SAMD12: variants seen among roughly 807,000 people sequenced by gnomAD.
SAMD12 encodes the protein sterile alpha motif domain-containing protein 12.
In SAMD12, 9 loss-of-function variants were observed where a neutral mutation model predicts 15.0. That is an observed-to-expected ratio of 0.60 (90% confidence interval 0.36 to 1.05). The LOEUF (loss-of-function observed/expected upper bound fraction) is 1.05, where lower values mean the gene tolerates loss of function less well. Among genes scored for constraint, SAMD12 ranks in the 50% least tolerant of loss-of-function variants. The probability of loss-of-function intolerance (pLI) is 0.01; values close to 1 mark genes in which losing one functional copy is unlikely to be tolerated. For missense variants in SAMD12, 230 were observed against 234.2 expected, an observed-to-expected ratio of 0.98 and a Z score of 0.12; for synonymous variants, 86 against 90.1, an observed-to-expected ratio of 0.96 and a Z score of 0.25.
intron 4 of SAMD12, among the ~76,000 whole-genome samples, chr8:118,267,287 A>G (rs1256003104): frequency 1.3e-5 from 2 of 152,210 alleles, no homozygotes; most frequent in Non-Finnish European, 2.9e-5. Flanking sequence ...GACTTCATAA[A>G]TGCCCAAGAA....
chr8:118,191,755 A>AT (rs1554609707), exon 5 of SAMD12: 1 of 34,126 alleles, frequency 2.9e-5, no homozygotes, highest in Non-Finnish European at 6.4e-5. Context: ...AATACTGGAG[A>AT]TTATATATAT....
the SAMD12 span, among the ~76,000 whole-genome samples, chr8:118,165,612 A>G: frequency 4.3e-4 from 27 of 63,012 alleles, no homozygotes; most frequent in African/African-American, 5.4e-4. Context: ...ACATATATAT[A>G]TGTATATATA....
chr8:118,153,379 C>T, the SAMD12 span, among the ~76,000 whole-genome samples: 2 of 135,156 alleles, frequency 1.5e-5, no homozygotes, highest in African/African-American at 5.3e-5. Flanking sequence ...ACTAGCATCT[C>T]ATTGGTCAAG....
intron 4 of SAMD12, among the ~76,000 whole-genome samples, chr8:118,313,178 C>T (rs1586499250): frequency 6.6e-6 from 1 of 152,152 alleles, no homozygotes; most frequent in East Asian, 1.9e-4. Flanking sequence ...ATTTTCTCTT[C>T]TAAACACTCA....
At chr8:118,463,077 G>C (rs1215802561) in intron 2 of SAMD12, among the ~76,000 whole-genome samples, 2 of 136,118 alleles carry the variant, frequency 1.5e-5, no homozygotes, top group African/African-American at 5.6e-5. Context: ...CTCCAGCCTG[G>C]GCGACAGAGC....
At chr8:118,517,103 A>G (rs940683449) in intron 2 of SAMD12, among the ~76,000 whole-genome samples, 1 of 152,190 alleles carries the variant, frequency 6.6e-6, no homozygotes, top group Non-Finnish European at 1.5e-5. Context: ...CCTCCCTACA[A>G]ATAATCAGTG....
intron 2 of SAMD12, among the ~76,000 whole-genome samples, chr8:118,490,647 T>A (rs73708803): frequency 0.022 from 3,324 of 152,248 alleles, 107 homozygotes; most frequent in African/African-American, 0.073. Context: ...TTCCTTTCCA[T>A]GAAGTCCAAA....
intron 4 of SAMD12, among the ~76,000 whole-genome samples, chr8:118,204,401 T>G (rs1347600962): frequency 6.7e-6 from 1 of 149,982 alleles, no homozygotes; most frequent in African/African-American, 2.5e-5. Context: ...GGAGGGGGAG[T>G]TGCCCACTGA....
intron 2 of SAMD12, among the ~76,000 whole-genome samples, chr8:118,443,174 CTG>C (rs1323990345): frequency 6.6e-6 from 1 of 152,134 alleles, no homozygotes; most frequent in East Asian, 1.9e-4. Flanking sequence ...ATTTTTAAGA[CTG>C]TATGAGGCTG....
chr8:118,269,673 G>T (rs1813298368), intron 4 of SAMD12, among the ~76,000 whole-genome samples: 1 of 152,140 alleles, frequency 6.6e-6, no homozygotes, highest in African/African-American at 2.4e-5. Flanking sequence ...CAATGAGGTG[G>T]AAGCAAGACG....
chr8:118,504,056 CTTTG>C (rs1225638511), intron 2 of SAMD12, among the ~76,000 whole-genome samples: 1 of 152,152 alleles, frequency 6.6e-6, no homozygotes, highest in African/African-American at 2.4e-5. Context: ...CTATTTCCTG[CTTTG>C]TTTAAATCAG....
intron 2 of SAMD12, among the ~76,000 whole-genome samples, chr8:118,569,840 TTACAGCAGCTGAGGCTGAC>T (rs1826958166): frequency 6.6e-6 from 1 of 152,238 alleles, no homozygotes; most frequent in Admixed American, 6.5e-5. Flanking sequence ...CAGTAATTTG[TTACAGCAGCTGAGGCTGAC>T]TAATACAGCA....
At chr8:118,256,821 C>T (rs965363643) in intron 4 of SAMD12, among the ~76,000 whole-genome samples, 4 of 148,438 alleles carry the variant, frequency 2.7e-5, no homozygotes, top group South Asian at 2.2e-4. Context: ...CACACACACA[C>T]GCACACATTC....
intron 1 of SAMD12, among the ~76,000 whole-genome samples, chr8:118,594,299 G>T (rs10505341): frequency 0.11 from 16,033 of 151,994 alleles, 961 homozygotes; most frequent in African/African-American, 0.17. Context: ...GTCTGTTCTT[G>T]ATTATTCTAC....
intron 4 of SAMD12, among the ~76,000 whole-genome samples, chr8:118,281,791 C>A (rs1813658112): frequency 6.6e-6 from 1 of 152,062 alleles, no homozygotes; most frequent in African/African-American, 2.4e-5. Context: ...GGTTAAAAGC[C>A]CTTCTCCAAT....
chr8:118,409,586 T>G (rs1421959118), intron 3 of SAMD12, among the ~76,000 whole-genome samples: 1 of 152,038 alleles, frequency 6.6e-6, no homozygotes, highest in Non-Finnish European at 1.5e-5. Flanking sequence ...ATAAGATTAG[T>G]TGGAAGGTCA....
At chr8:118,269,220 C>CTCTGTG (rs1299970707) in intron 4 of SAMD12, among the ~76,000 whole-genome samples, 21 of 123,006 alleles carry the variant, frequency 1.7e-4, no homozygotes, top group South Asian at 3.1e-4. Context: ...CTCTCTCTCT[C>CTCTGTG]TGTGTGTGTG....
chr8:118,338,511 G>C (rs1817191094), intron 4 of SAMD12, among the ~76,000 whole-genome samples: 1 of 151,922 alleles, frequency 6.6e-6, no homozygotes, highest in African/African-American at 2.4e-5. Context: ...AATGAACGCT[G>C]ATAAAGATAA....
At chr8:118,394,012 C>T (rs973909630) in intron 3 of SAMD12, among the ~76,000 whole-genome samples, 1 of 76,630 alleles carries the variant, frequency 1.3e-5, no homozygotes, top group Non-Finnish European at 2.7e-5. Flanking sequence ...GCTAAATTTC[C>T]CCTATTTGAT....
Sources: gnomAD v4.1 joint callset for allele counts (sites outside exome capture counted in the v4.1 genomes callset) on GRCh38, gnomAD v4.1.1 for gene constraint, MANE v1.5 for transcripts, NCBI Gene and HGNC (gene_info 2026-07-23, HGNC 2026-07-21) for gene names.